Variants in MYO3B observed in about 807,000 individuals in gnomAD.
The protein encoded by MYO3B is myosin-IIIb.
In MYO3B, 156 loss-of-function variants were observed where a neutral mutation model predicts 174.6. The ratio of observed to expected loss-of-function variants is 0.89; its 90% CI spans 0.78 to 1.02. MYO3B has a LOEUF of 1.02. Ranked by LOEUF, MYO3B falls within the 50% of genes least tolerant of loss-of-function variation. The probability of loss-of-function intolerance (pLI) is 0.00; values close to 1 mark genes in which losing one functional copy is unlikely to be tolerated. For synonymous variants in MYO3B, 563 were observed against 569.1 expected (o/e 0.99, Z 0.15); for missense variants, 1,632 against 1,639.4 (o/e 1.00, Z 0.08).
rs145231217 is a variant in MYO3B at position 170,184,766 on chromosome 2, G to A, written c.2+6477G>A. ...TAGTTTTTTGAAGAACCTCCATACT[G>A]TTCTCCATAGTGATTGTGTTAATTT... On this transcript the variant is annotated intron_variant, in intron 1 of 34. Coordinates refer to ENST00000408978, the MANE Select transcript of MYO3B (RefSeq NM_138995.5). Among the ~76,000 whole-genome samples, 770 of 152,216 alleles carry A rather than the reference G, an allele frequency of 5.1e-3. 5 individuals carry two copies. The highest frequency in any genetic ancestry group is 0.019 in the South Asian group (91 of 4,824).
At chr2:170,436,354 G>T (rs1342579175) in intron 22 of MYO3B, among the ~76,000 whole-genome samples, 2 of 152,148 alleles carry the variant, frequency 1.3e-5, no homozygotes, top group East Asian at 1.9e-4. Flanking sequence ...TTTCTGAAAG[G>T]TGTGTGTGCG....
At chr2:170,538,672 A>G (rs1319377528) in intron 30 of MYO3B, among the ~76,000 whole-genome samples, 1 of 152,222 alleles carries the variant, frequency 6.6e-6, no homozygotes, top group Non-Finnish European at 1.5e-5. Context: ...GATGCCCAGC[A>G]GAAGGGTTCT....
chr2:170,544,313 C>T (rs546771901), intron 32 of MYO3B, among the ~76,000 whole-genome samples: 62 of 152,272 alleles, frequency 4.1e-4, no homozygotes, highest in Admixed American at 1.0e-3. Context: ...CACGCAGGGT[C>T]GAAATCTAGG....
At chr2:170,475,689 A>T (rs942151499) in intron 25 of MYO3B, among the ~76,000 whole-genome samples, 5 of 152,304 alleles carry the variant, frequency 3.3e-5, no homozygotes, top group South Asian at 2.1e-4. Flanking sequence ...TACTGCCACC[A>T]GAATTACGTT....
chr2:170,650,439 G>A (rs1168924331), intron 32 of MYO3B, among the ~76,000 whole-genome samples: 1 of 151,946 alleles, frequency 6.6e-6, no homozygotes, highest in Non-Finnish European at 1.5e-5. Context: ...ATGATACCAA[G>A]TAAAATCTCC....
At chr2:170,231,276 A>G (rs143355034) in intron 6 of MYO3B, among the ~76,000 whole-genome samples, 1 of 152,352 alleles carries the variant, frequency 6.6e-6, no homozygotes, top group African/African-American at 2.4e-5. Flanking sequence ...AATTGCCTCA[A>G]CAATTGAAGA....
rs79112007 is a variant in MYO3B, at chr2:170,400,401, C to G, written c.1918+87C>G. 6 of 1,208,732 alleles carry G rather than the reference C, an allele frequency of 5.0e-6. No individual in the cohort carries two copies. The African/African-American group carries it at 5.4e-5, about 11-fold the overall frequency. 74.9% of individuals were successfully genotyped at this position (1,208,732 alleles called of 1,614,324 possible). A position where few individuals can be genotyped will look rare whatever the true frequency, so the allele number is the denominator to read the frequency against. On this transcript the variant is annotated intron_variant, in intron 17 of 34. Coordinates refer to ENST00000408978, the MANE Select transcript of MYO3B (RefSeq NM_138995.5). ...AAAATATAATGCAGCATTTGCTGGT[C>G]CTTTTTTTTTTTTTTTTTTATCGAG...
intron 9 of MYO3B, among the ~76,000 whole-genome samples, chr2:170,379,494 G>A (rs559500580): frequency 6.6e-6 from 1 of 152,164 alleles, no homozygotes; most frequent in South Asian, 2.1e-4. Context: ...TACCCAGCCA[G>A]TATTTTGTTT....
chr2:170,423,319 T>C (rs1410123525), intron 22 of MYO3B, among the ~76,000 whole-genome samples: 3 of 152,052 alleles, frequency 2.0e-5, no homozygotes, highest in Non-Finnish European at 4.4e-5. Context: ...GTAGCCACCA[T>C]ATCGAGTAGC....
intron 34 of MYO3B, among the ~76,000 whole-genome samples, chr2:170,652,598 A>T (rs1002607162): frequency 6.6e-6 from 1 of 152,250 alleles, no homozygotes; most frequent in South Asian, 2.1e-4. Context: ...TTTGATAGTT[A>T]GCATCTCAAT....
At chr2:170,383,587 C>T (rs2094351760) in intron 11 of MYO3B, 123 bp from the exon 12 acceptor site, 1 of 723,938 alleles carries the variant, frequency 1.4e-6, no homozygotes, top group African/African-American at 1.7e-5. Flanking sequence ...AGAACCTATA[C>T]CCTACAGTCT....
intron 25 of MYO3B, among the ~76,000 whole-genome samples, chr2:170,496,910 G>T (rs2106066371): frequency 6.6e-6 from 1 of 152,248 alleles, no homozygotes; most frequent in Middle Eastern, 3.4e-3. Context: ...TTATAGGAAT[G>T]AGCCACTATG....
At chr2:170,375,560 A>G (rs2094285908) in intron 9 of MYO3B, among the ~76,000 whole-genome samples, 1 of 151,672 alleles carries the variant, frequency 6.6e-6, no homozygotes, top group Non-Finnish European at 1.5e-5. Flanking sequence ...CGCCCTTGCA[A>G]TTTGCCTGAG....
chr2:170,344,361 G>A (rs1574821837), intron 8 of MYO3B: 1 of 152,216 alleles, frequency 6.6e-6, no homozygotes, highest in East Asian at 1.9e-4. Flanking sequence ...AGCTACTTGG[G>A]AGGGTGAGGC....
intron 8 of MYO3B, among the ~76,000 whole-genome samples, chr2:170,353,815 G>C (rs943454424): frequency 2.0e-5 from 3 of 152,164 alleles, no homozygotes; most frequent in African/African-American, 7.2e-5. Flanking sequence ...ACAGGACTTG[G>C]TGGCATTCTC....
At chr2:170,584,478 A>G (rs1030249579) in intron 32 of MYO3B, among the ~76,000 whole-genome samples, 2 of 152,222 alleles carry the variant, frequency 1.3e-5, no homozygotes, top group African/African-American at 4.8e-5. Flanking sequence ...GGCAGATATA[A>G]ATTAATGTGG....
At chr2:170,443,584 G>T (rs1396115329) in intron 22 of MYO3B, among the ~76,000 whole-genome samples, 3 of 151,846 alleles carry the variant, frequency 2.0e-5, no homozygotes, top group Non-Finnish European at 4.4e-5. Flanking sequence ...TGGCCTGAAT[G>T]GTATTGCTTA....
At chr2:170,441,022 C>T (rs552832434) in intron 22 of MYO3B, among the ~76,000 whole-genome samples, 1 of 151,810 alleles carries the variant, frequency 6.6e-6, no homozygotes, top group East Asian at 2.0e-4. Flanking sequence ...GGCTGGTCTC[C>T]AACTCCTGAC....
intron 32 of MYO3B, among the ~76,000 whole-genome samples, chr2:170,631,593 A>G (rs1409317272): frequency 1.3e-5 from 2 of 151,892 alleles, no homozygotes; most frequent in African/African-American, 4.8e-5. Context: ...ACTCCAAGAC[A>G]CATAATTGTC....
Sources: gnomAD v4.1 joint callset for allele counts (sites outside exome capture counted in the v4.1 genomes callset) on GRCh38, gnomAD v4.1.1 for gene constraint, MANE v1.5 for transcripts, NCBI Gene and HGNC (gene_info 2026-07-23, HGNC 2026-07-21) for gene names.